Variants in LINC00632 observed in about 807,000 individuals in gnomAD.
The protein encoded by LINC00632 is ALDOA related specific transcript.
At chrX:140,724,627 C>T (rs1262127844) in intron 2 of LINC00632, among the ~76,000 whole-genome samples, 1 of 76,272 alleles carries the variant, frequency 1.3e-5, no homozygotes, top group Non-Finnish European at 2.6e-5. Flanking sequence ...ACACATATTC[C>T]GTGTACACAC....
At chrX:140,719,704 C>G (rs1428203966) in intron 2 of LINC00632, among the ~76,000 whole-genome samples, 2 of 111,036 alleles carry the variant, frequency 1.8e-5, no homozygotes, top group Non-Finnish European at 3.8e-5. Context: ...TACAGAGAAA[C>G]ACAATGTGCA....
chrX:140,724,020 GACAC>G (rs745954068), intron 2 of LINC00632, among the ~76,000 whole-genome samples: 3 of 12,818 alleles, frequency 2.3e-4, no homozygotes, highest in Admixed American at 9.4e-4. Context: ...CACACACACA[GACAC>G]ACATTCCATA....
At chrX:140,782,565 T>C (rs1931948779) in exon 5 of LINC00632, 1 of 112,135 alleles carries the variant, frequency 8.9e-6, no homozygotes, top group Non-Finnish European at 1.9e-5. Flanking sequence ...ATGTCTCCTA[T>C]ATACAGGTCT....
chrX:140,775,132 A>T (rs936191377), exon 5 of LINC00632, among the ~76,000 whole-genome samples: 1 of 111,705 alleles, frequency 9.0e-6, no homozygotes, highest in Non-Finnish European at 1.9e-5. Flanking sequence ...ATTTTCATAG[A>T]TTCTTTCTGT....
exon 5 of LINC00632, among the ~76,000 whole-genome samples, chrX:140,788,363 G>C (rs1212116553): frequency 9.1e-6 from 1 of 109,833 alleles, no homozygotes; most frequent in African/African-American, 3.3e-5. Context: ...AAATAAAAGA[G>C]GGCCTTGCAT....
rs186574488 is a variant in LINC00632, at chrX:140,759,225, C to T, written n.192-12853C>T. 1.4e-3 allele frequency among the ~76,000 whole-genome samples: 156 copies of T among 108,450 alleles called. No individual in the cohort carries two copies. The East Asian group carries it at 0.025, about 17-fold the overall frequency. The allele number at this position is 108,450 out of a possible 115,157, so 94.2% of individuals were successfully genotyped here. Reference sequence around the variant, plus strand: ...CCGACCTCAGGTGATCTGCCCACCTCGGCCTCCCAGAGTGCTGGGATTACA... The same window carrying T: ...CCGACCTCAGGTGATCTGCCCACCTTGGCCTCCCAGAGTGCTGGGATTACA... On this transcript the variant is annotated intron_variant and non_coding_transcript_variant, in intron 3 of 4. Coordinates refer to ENST00000648200, the Ensembl canonical transcript of LINC00632.
chrX:140,721,925 G>A (rs746809753), intron 2 of LINC00632, among the ~76,000 whole-genome samples: 1 of 110,574 alleles, frequency 9.0e-6, no homozygotes, highest in East Asian at 2.9e-4. Flanking sequence ...ACCCAGACAT[G>A]CCCCACATAA....
At chrX:140,790,985 A>T (rs1932099817) in exon 5 of LINC00632, among the ~76,000 whole-genome samples, 1 of 109,714 alleles carries the variant, frequency 9.1e-6, no homozygotes, top group Non-Finnish European at 1.9e-5. Context: ...GTTTGTATCT[A>T]TTTTTTTTTC....
chrX:140,713,113 T>A (rs1423786354), intron 2 of LINC00632, among the ~76,000 whole-genome samples: 1 of 110,254 alleles, frequency 9.1e-6, no homozygotes, highest in Non-Finnish European at 1.9e-5. Flanking sequence ...GTGGCTGGAG[T>A]TATTTGGCAG....
chrX:140,723,834 C>CAG (rs201489868), intron 2 of LINC00632, among the ~76,000 whole-genome samples: 2 of 28,718 alleles, frequency 7.0e-5, no homozygotes, highest in Admixed American at 8.2e-4. Context: ...CATGCACACA[C>CAG]ACACATTCCA....
At chrX:140,709,864 G>T in intron 1 of LINC00632, 1 of 336,388 alleles carries the variant, frequency 3.0e-6, no homozygotes, top group Non-Finnish European at 6.0e-6. Flanking sequence ...TTTAAAGCAA[G>T]CGACATGTTT....
chrX:140,782,775 T>C (rs752085963), exon 5 of LINC00632: 32 of 111,966 alleles, frequency 2.9e-4, no homozygotes, highest in African/African-American at 1.0e-3. Context: ...AATGTCTGAA[T>C]GAATAGACCT....
chrX:140,709,793 C>T (rs952785824), exon 1 of LINC00632: 1 of 339,032 alleles, frequency 2.9e-6, no homozygotes, highest in Non-Finnish European at 5.9e-6. Flanking sequence ...GGTGGGGAGA[C>T]AGCATGCCAC....
In LINC00632 at chrX:140,732,128, C is replaced by T. The variant is rs750267019; in HGVS notation, n.105-1750C>T. ...CTGAGGCAGGAGAATCGCTTGAACC[C>T]GGGAGGCAGAGGTTGCAGTGAGCCG... On this transcript the variant is annotated intron_variant and non_coding_transcript_variant, in intron 2 of 4. Coordinates refer to ENST00000648200, the Ensembl canonical transcript of LINC00632. 9.9e-5 allele frequency among the ~76,000 whole-genome samples: 11 copies of T among 110,832 alleles called. No homozygotes were observed. In the South Asian group the frequency reaches 2.3e-3, roughly 23 times the overall value.
At chrX:140,731,862 C>T (rs894768903) in intron 2 of LINC00632, among the ~76,000 whole-genome samples, 4 of 110,922 alleles carry the variant, frequency 3.6e-5, no homozygotes, top group Non-Finnish European at 7.5e-5. Flanking sequence ...TGGCTACAGC[C>T]CCCAAACAAG....
rs1194159501 is a variant in LINC00632 at position 140,771,681 on chromosome X, A to ATT, written n.192-396_192-395insTT. Reference sequence around the variant, plus strand: ...TGTGTGTGTGTATATATATATATATATATATTTTTTTTTTTTGAGACGGAA... The same window carrying ATT: ...TGTGTGTGTGTATATATATATATATATTTATATTTTTTTTTTTTGAGACGGAA... On this transcript the variant is annotated intron_variant and non_coding_transcript_variant, in intron 3 of 4. Coordinates refer to ENST00000648200, the Ensembl canonical transcript of LINC00632. 1.2e-3 allele frequency among the ~76,000 whole-genome samples: 69 copies of ATT among 58,173 alleles called. 2 individuals carry two copies. The highest frequency in any genetic ancestry group is 5.8e-3 in the African/African-American group (64 of 11,021). 50.5% of individuals were successfully genotyped at this position (58,173 alleles called of 115,157 possible). A position where few individuals can be genotyped will look rare whatever the true frequency, so the allele number is the denominator to read the frequency against.
intron 3 of LINC00632, among the ~76,000 whole-genome samples, chrX:140,769,831 C>A (rs1185201803): frequency 2.7e-5 from 3 of 111,504 alleles, no homozygotes; most frequent in Non-Finnish European, 5.6e-5. Context: ...AAAAATTCTA[C>A]CCATTCTTCA....
chrX:140,729,334 T>A (rs746508292), intron 2 of LINC00632, among the ~76,000 whole-genome samples: 1 of 109,340 alleles, frequency 9.1e-6, no homozygotes, highest in South Asian at 4.1e-4. Flanking sequence ...AATGCCATAC[T>A]AGGTGCAGAC....
chrX:140,768,664 TCTATA>T (rs1429992979), intron 3 of LINC00632, among the ~76,000 whole-genome samples: 2 of 93,350 alleles, frequency 2.1e-5, no homozygotes, highest in Admixed American at 1.3e-4. Context: ...ATATAATAAA[TCTATA>T]ATAAATATAC....
Sources: gnomAD v4.1 joint callset for allele counts (sites outside exome capture counted in the v4.1 genomes callset) on GRCh38, gnomAD v4.1.1 for gene constraint, MANE v1.5 for transcripts, NCBI Gene and HGNC (gene_info 2026-07-23, HGNC 2026-07-21) for gene names.